Variants in TFDP2 observed in about 807,000 individuals in gnomAD.
TFDP2 encodes the protein transcription factor Dp-2 (E2F dimerization partner 2).
Under a neutral mutation model 59.3 loss-of-function variants are expected in TFDP2, and 17 were observed. The observed-to-expected ratio is 0.29, with a 90% confidence interval of 0.20 to 0.43. TFDP2 has a LOEUF of 0.43. Among genes scored for constraint, TFDP2 ranks in the 20% least tolerant of loss-of-function variants. The probability of loss-of-function intolerance (pLI) is 1.00; values close to 1 mark genes in which losing one functional copy is unlikely to be tolerated. For synonymous variants in TFDP2, 180 were observed against 194.7 expected (o/e 0.92, Z 0.63); for missense variants, 391 against 528.8 (o/e 0.74, Z 2.56).
chr3:141,978,416 T>A, intron 7 of TFDP2, 104 bp downstream of exon 7: 4 of 1,170,730 alleles, frequency 3.4e-6, no homozygotes, highest in South Asian at 2.0e-5. Flanking sequence ...AAATAAAGGA[T>A]AAAACCCTCA....
In TFDP2 at chr3:141,977,114, T is replaced by A. The variant is rs866956852; in HGVS notation, c.519+1406A>T. On this transcript the variant is annotated intron_variant, in intron 7 of 12. Coordinates refer to ENST00000489671, the MANE Select transcript of TFDP2 (RefSeq NM_001178139.2). ...CATATATATATATATATATTTTTTT[T>A]TTTTTTTTTTTTTTCCCCCCAAAGA... Among the ~76,000 whole-genome samples the A allele has an allele frequency of 1.6e-3, 149 of 94,408 alleles. 1 individual carries two copies. In the Middle Eastern group the frequency reaches 0.02, roughly 13 times the overall value. The allele number at this position is 94,408 out of a possible 152,430, so 61.9% of individuals were successfully genotyped here.
chr3:141,964,452 G>C (rs1937640257), intron 9 of TFDP2, among the ~76,000 whole-genome samples: 1 of 152,184 alleles, frequency 6.6e-6, no homozygotes, highest in African/African-American at 2.4e-5. Flanking sequence ...AGGAGTTTAA[G>C]GCCAACCTGG....
rs960587140 is a variant in TFDP2, at chr3:141,949,584, G to A, written c.*2929C>T. 1 of 152,198 alleles carries A rather than the reference G, an allele frequency of 6.6e-6. No individual in the cohort carries two copies. The highest frequency in any genetic ancestry group is 2.4e-5 in the African/African-American group (1 of 41,446). 9.4% of individuals were successfully genotyped at this position (152,198 alleles called of 1,614,324 possible). On this transcript the variant is annotated 3_prime_UTR_variant, in exon 13 of 13. Transcript: ENST00000489671. The stretch of plus-strand genomic sequence containing the variant: ...CTACCCACTGAGGGCCAGGCACGCA[G>A]GTCCTAGTGCCACTGTGCGTGTGCT...
chr3:141,993,467 A>C, intron 6 of TFDP2, 71 bp downstream of exon 6: 1 of 909,900 alleles, frequency 1.1e-6, no homozygotes, highest in Non-Finnish European at 1.7e-6. Context: ...ATTAAACCAG[A>C]GCAGTGGCAA....
chr3:142,030,461 T>A (rs72990274), intron 3 of TFDP2, among the ~76,000 whole-genome samples: 1,869 of 152,318 alleles, frequency 0.012, 38 homozygotes, highest in African/African-American at 0.042. Flanking sequence ...GTTTGGTATA[T>A]TAAAATCTTA....
intron 1 of TFDP2, among the ~76,000 whole-genome samples, chr3:142,127,921 C>T (rs2062330950): frequency 6.6e-6 from 1 of 152,098 alleles, no homozygotes; most frequent in South Asian, 2.1e-4. Context: ...CCCCTTCTGG[C>T]TGAGCCCAGT....
intron 3 of TFDP2, among the ~76,000 whole-genome samples, chr3:142,031,897 T>A (rs915933891): frequency 1.3e-5 from 2 of 151,616 alleles, no homozygotes; most frequent in Non-Finnish European, 2.9e-5. Context: ...GCAGTAGAAA[T>A]TAGTTACATT....
intron 3 of TFDP2, among the ~76,000 whole-genome samples, chr3:142,038,383 CAAAAAAAAAAAAAAA>C (rs1184364752): frequency 3.1e-4 from 13 of 41,440 alleles, no homozygotes; most frequent in African/African-American, 1.4e-3. Flanking sequence ...GACTCCATCT[CAAAAAAAAAAAAAAA>C]AAAAAAAAAG....
chr3:141,990,377 C>T (rs189383201), intron 6 of TFDP2, among the ~76,000 whole-genome samples: 227 of 151,926 alleles, frequency 1.5e-3, no homozygotes, highest in Non-Finnish European at 2.4e-3. Context: ...CGGGTTCAAG[C>T]GATTCTCTTG....
rs1025133113 is a variant in TFDP2 at position 141,951,150 on chromosome 3, T to C, written c.*1363A>G. Reference sequence around the variant, plus strand: ...ATAATCTTGGGACAAATCCACATGATTCAGGTCAAAGTTTTGGAGTTAATT... The same window carrying C: ...ATAATCTTGGGACAAATCCACATGACTCAGGTCAAAGTTTTGGAGTTAATT... On this transcript the variant is annotated 3_prime_UTR_variant, in exon 13 of 13. Transcript: ENST00000489671. The C allele has an allele frequency of 1.3e-5, 2 of 152,156 alleles. No homozygotes were observed. The highest frequency in any genetic ancestry group is 4.8e-5 in the African/African-American group (2 of 41,428). 9.4% of individuals were successfully genotyped at this position (152,156 alleles called of 1,614,324 possible).
chr3:142,052,929 C>T (rs973560633), intron 3 of TFDP2, among the ~76,000 whole-genome samples: 1 of 151,984 alleles, frequency 6.6e-6, no homozygotes, highest in African/African-American at 2.4e-5. Flanking sequence ...CCTGCCTCAG[C>T]CTCCCTAGTA....
rs2062036984 is a variant in TFDP2, at chr3:142,121,325, A to C, written c.-92-19484T>G. On this transcript the variant is annotated intron_variant, in intron 1 of 12. Transcript: ENST00000489671. The surrounding 1 kb of genome is among the most constrained non-coding windows in gnomAD (Gnocchi z 4.3). The stretch of plus-strand genomic sequence containing the variant: ...TCAAGAAGTTCACAAACAAATGAGC[A>C]AGACAAATGCATACAGTATAACATG... Among the ~76,000 whole-genome samples, 1 of 152,226 alleles carries C rather than the reference A, an allele frequency of 6.6e-6. No homozygotes were observed. The highest frequency in any genetic ancestry group is 6.5e-5 in the Admixed American group (1 of 15,274).
intron 3 of TFDP2, among the ~76,000 whole-genome samples, chr3:142,007,171 A>G (rs182712860): frequency 7.2e-5 from 11 of 152,256 alleles, no homozygotes; most frequent in African/African-American, 1.9e-4. Context: ...CAACTATTCC[A>G]TTGGCCCTTT....
intron 3 of TFDP2, among the ~76,000 whole-genome samples, chr3:142,088,101 C>G (rs2060863726): frequency 2.0e-5 from 3 of 152,214 alleles, no homozygotes; most frequent in Admixed American, 2.0e-4. Context: ...GGACTTTGTT[C>G]TATTCCTTGT....
intron 3 of TFDP2, among the ~76,000 whole-genome samples, chr3:142,032,973 A>T (rs1410962226): frequency 1.3e-5 from 2 of 152,010 alleles, no homozygotes; most frequent in Non-Finnish European, 2.9e-5. Flanking sequence ...TGGCGGGTGG[A>T]TCACCTGAGG....
chr3:142,095,589 A>G (rs1283556142), intron 2 of TFDP2, among the ~76,000 whole-genome samples: 1 of 152,126 alleles, frequency 6.6e-6, no homozygotes, highest in Non-Finnish European at 1.5e-5. Context: ...GCAGATACTT[A>G]ACTTTGTCCA....
At chr3:142,115,387 C>G (rs62284573) in intron 1 of TFDP2, among the ~76,000 whole-genome samples, 1 of 149,914 alleles carries the variant, frequency 6.7e-6, no homozygotes, top group Non-Finnish European at 1.5e-5. Context: ...GGCGCGATCT[C>G]GGCTCACTGC....
At chr3:142,014,928 C>T (rs548467245) in intron 3 of TFDP2, among the ~76,000 whole-genome samples, 2 of 152,332 alleles carry the variant, frequency 1.3e-5, no homozygotes, top group African/African-American at 4.8e-5. Flanking sequence ...TTTCCACTTC[C>T]TCCACATCTC....
intron 1 of TFDP2, among the ~76,000 whole-genome samples, chr3:142,120,029 G>A (rs544702392): frequency 2.3e-4 from 35 of 151,854 alleles, no homozygotes; most frequent in African/African-American, 6.3e-4. Flanking sequence ...CAGCCTGGGC[G>A]ACAGAGCAAG....
Sources: allele counts gnomAD v4.1 joint callset (sites outside exome capture counted in the v4.1 genomes callset), GRCh38; gene constraint gnomAD v4.1.1; non-coding constraint Gnocchi (gnomAD v3.1); transcripts MANE v1.5; gene names NCBI Gene and HGNC (gene_info 2026-07-23, HGNC 2026-07-21).